Variants in XXYLT1 observed in about 807,000 individuals in gnomAD.
The protein encoded by XXYLT1 is UDP-xylose:alpha-xyloside alpha-1,3-xylosyltransferase.
A neutral mutation model predicts 28.9 loss-of-function variants in XXYLT1; 20 were observed. That is an observed-to-expected ratio of 0.69 (90% CI 0.49 to 1.00). The LOEUF (loss-of-function observed/expected upper bound fraction) is 1.00. Among genes scored for constraint, XXYLT1 ranks in the 50% least tolerant of loss-of-function variants. The pLI is 0.00. For missense variants in XXYLT1, 542 were observed against 560.1 expected, an observed-to-expected ratio of 0.97 and a Z score of 0.33; for synonymous variants, 257 against 253.8, an observed-to-expected ratio of 1.01 and a Z score of -0.12.
chr3:195,227,603 C>T (rs1016595230), intron 1 of XXYLT1, among the ~76,000 whole-genome samples: 1 of 152,270 alleles, frequency 6.6e-6, no homozygotes, highest in East Asian at 1.9e-4. Context: ...CCCACGACAA[C>T]CTAGGGCTTC....
intron 3 of XXYLT1, among the ~76,000 whole-genome samples, chr3:195,151,641 T>C (rs781443468): frequency 1.4e-4 from 21 of 152,128 alleles, no homozygotes; most frequent in Non-Finnish European, 2.5e-4. Flanking sequence ...TTAGTATAAA[T>C]AAACGATTAT....
intron 2 of XXYLT1, among the ~76,000 whole-genome samples, chr3:195,221,488 A>G (rs1723820281): frequency 6.6e-6 from 1 of 152,192 alleles, no homozygotes; most frequent in African/African-American, 2.4e-5. Context: ...AGGACAGGAG[A>G]GCCTTCCAGG....
rs1296561601 is a variant in XXYLT1 at position 195,210,409 on chromosome 3, C to T, written c.652+16300G>A. ...GCCCTGAACACAGTGGGCAGGAGGA[C>T]GGACTCCTCATGGGTGAGGCGAGGC... On this transcript the variant is annotated intron_variant, in intron 2 of 3. Transcript: ENST00000310380. This position sits in a 1 kb window ranked among gnomAD's most constrained non-coding sequence, Gnocchi z 4.8. Among the ~76,000 whole-genome samples, 1 of 152,146 alleles carries T rather than the reference C, an allele frequency of 6.6e-6. No homozygotes were observed. The highest frequency in any genetic ancestry group is 1.5e-5 in the Non-Finnish European group (1 of 68,040).
intron 1 of XXYLT1, among the ~76,000 whole-genome samples, chr3:195,254,870 CAG>C (rs1387417213): frequency 6.6e-6 from 1 of 152,226 alleles, no homozygotes; most frequent in Non-Finnish European, 1.5e-5. Context: ...GCCCCTGCTA[CAG>C]AGAGGAGGTG....
At chr3:195,228,053 G>T (rs1560163390) in intron 1 of XXYLT1, among the ~76,000 whole-genome samples, 1 of 152,224 alleles carries the variant, frequency 6.6e-6, no homozygotes, top group African/African-American at 2.4e-5. Flanking sequence ...AAGCCAGAAG[G>T]CTGGGTGTTC....
chr3:195,213,924 C>T lies in XXYLT1; in HGVS notation c.652+12785G>A, dbSNP rs375835284. ...CACTCACGATCTGTGTTAGGAGTCA[C>T]GAGGGGTTTAGGCAATACCAGATGT... On this transcript the variant is annotated intron_variant, in intron 2 of 3. Transcript: ENST00000310380. 2.4e-4 allele frequency among the ~76,000 whole-genome samples: 36 copies of T among 152,208 alleles called. 1 individual carries two copies. The highest frequency in any genetic ancestry group is 9.7e-4 in the East Asian group (5 of 5,172).
At chr3:195,202,167 A>G (rs1265280741) in intron 2 of XXYLT1, among the ~76,000 whole-genome samples, 1 of 151,934 alleles carries the variant, frequency 6.6e-6, no homozygotes, top group Non-Finnish European at 1.5e-5. Context: ...ACAGAGTGAG[A>G]CTCCGTCTCA....
rs543180502 is a variant in XXYLT1, at chr3:195,156,686, T to G, written c.653-105A>C. 7.7e-6 allele frequency: 11 copies of G among 1,430,078 alleles called. No homozygotes were observed. The South Asian group carries it at 1.5e-4, about 19-fold the overall frequency. 88.6% of individuals were successfully genotyped at this position (1,430,078 alleles called of 1,614,324 possible). On this transcript the variant is annotated intron_variant, in intron 2 of 3. Transcript: ENST00000310380. ...GGCAGAGAAAAGGGCACTGGACTCT[T>G]ACTGTTGTCAGTGAATGATGCACAG...
intron 3 of XXYLT1, among the ~76,000 whole-genome samples, chr3:195,131,601 G>A (rs1718909522): frequency 6.6e-6 from 1 of 152,188 alleles, no homozygotes; most frequent in Non-Finnish European, 1.5e-5. Flanking sequence ...GTGGTCCCAA[G>A]TCAACAATGC....
chr3:195,254,828 C>T (rs1725415549), intron 1 of XXYLT1, among the ~76,000 whole-genome samples: 1 of 152,224 alleles, frequency 6.6e-6, no homozygotes, highest in African/African-American at 2.4e-5. Context: ...GTCGCCCTCA[C>T]ACCAATGTTT....
chr3:195,156,562 C>G lies in XXYLT1; in HGVS notation c.672G>C (p.Gln224His), dbSNP rs377048505. 1.7e-5 allele frequency: 28 copies of G among 1,614,212 alleles called. No homozygotes were observed. In the African/African-American group the frequency reaches 2.8e-4, roughly 16 times the overall value. ...IMPKEILQIIQLDLDLKFKTN... is the reference protein window; with the variant it reads ...IMPKEILQIIHLDLDLKFKTN... ...TCTTAAACTTCAGGTCTAGGTCCAG[C>G]TGAATGATCTGCAGGATCTCTGCGG... Residue 224 changes from glutamine to histidine, a missense_variant, in exon 3 of 4, where the codon CAG becomes CAC. Coordinates refer to ENST00000310380, the MANE Select transcript of XXYLT1 (RefSeq NM_152531.5).
rs748625830 is a variant in XXYLT1, at chr3:195,141,354, C to A, written c.785+15095G>T. 4.4e-4 allele frequency among the ~76,000 whole-genome samples: 67 copies of A among 152,314 alleles called. No homozygotes were observed. In the Middle Eastern group the frequency reaches 0.017, roughly 39 times the overall value. ...TGTGTTACGTGGCTCTGAAACAATT[C>A]CAAATACTTGCATAGTTTGCTACGT... is the stretch of plus-strand genomic sequence containing the variant. On this transcript the variant is annotated intron_variant, in intron 3 of 3. Transcript: ENST00000310380.
rs569220207 is a variant in XXYLT1, at chr3:195,245,594, C to T, written c.505-18738G>A. Among the ~76,000 whole-genome samples, 23 of 152,272 alleles carry T rather than the reference C, an allele frequency of 1.5e-4. 1 individual carries two copies. Among genetic ancestry groups the T allele is most frequent in the African/African-American group, 4.8e-4 (20 of 41,532 alleles). On this transcript the variant is annotated intron_variant, in intron 1 of 3. Transcript: ENST00000310380. ...GAAGGAACTACGGGTGTTTGCCTCACGTGGGAGTGGGAAGAGGCAGAGAGG... is the reference window on the plus strand; with the variant it reads ...GAAGGAACTACGGGTGTTTGCCTCATGTGGGAGTGGGAAGAGGCAGAGAGG...
intron 3 of XXYLT1, among the ~76,000 whole-genome samples, chr3:195,102,686 G>C (rs1716858882): frequency 6.6e-6 from 1 of 152,028 alleles, no homozygotes; most frequent in Non-Finnish European, 1.5e-5. Flanking sequence ...TGTCTTGTAT[G>C]TTACAATTTC....
At chr3:195,143,861 TATAGATATAG>T (rs1394980435) in intron 3 of XXYLT1, among the ~76,000 whole-genome samples, 4,615 of 100,462 alleles carry the variant, frequency 0.046, 252 homozygotes, top group East Asian at 0.15. Context: ...TATAGATATA[TATAGATATAG>T]ATATATATAT....
At chr3:195,202,816 C>A (rs1000970287) in intron 2 of XXYLT1, among the ~76,000 whole-genome samples, 1 of 152,184 alleles carries the variant, frequency 6.6e-6, no homozygotes, top group Non-Finnish European at 1.5e-5. Flanking sequence ...TAGGCCATAA[C>A]TATTCTTAAG....
intron 3 of XXYLT1, among the ~76,000 whole-genome samples, chr3:195,126,069 T>C (rs1718603874): frequency 6.6e-6 from 1 of 152,226 alleles, no homozygotes; most frequent in East Asian, 1.9e-4. Context: ...CCAAATCACA[T>C]GCATGCCATA....
intron 2 of XXYLT1, among the ~76,000 whole-genome samples, chr3:195,161,423 C>G (rs555842887): frequency 1.3e-5 from 2 of 152,198 alleles, no homozygotes; most frequent in East Asian, 1.9e-4. Flanking sequence ...GCAGACGACC[C>G]CAGATCATCT....
rs1577148618 is a variant in XXYLT1 at position 195,209,109 on chromosome 3, G to T, written c.652+17600C>A. On this transcript the variant is annotated intron_variant, in intron 2 of 3. Coordinates refer to ENST00000310380, the MANE Select transcript of XXYLT1 (RefSeq NM_152531.5). The surrounding 1 kb of genome is among the most constrained non-coding windows in gnomAD (Gnocchi z 5.0). ...CTTACGTGGCTCACTCGCCTCTCAG[G>T]GGGAAGCTATCTCCCAGAGTGTAAG... Among the ~76,000 whole-genome samples, 1 of 152,230 alleles carries T rather than the reference G, an allele frequency of 6.6e-6. No individual in the cohort carries two copies. The highest frequency in any genetic ancestry group is 2.4e-5 in the African/African-American group (1 of 41,466).
Sources: gnomAD v4.1 joint callset for allele counts (sites outside exome capture counted in the v4.1 genomes callset) on GRCh38, gnomAD v4.1.1 for gene constraint, Gnocchi (gnomAD v3.1) non-coding constraint, MANE v1.5 for transcripts, NCBI Gene and HGNC (gene_info 2026-07-23, HGNC 2026-07-21) for gene names.